Variants in GREB1 observed in about 807,000 individuals in gnomAD.
The protein encoded by GREB1 is protein GREB1.
In GREB1, 106 loss-of-function variants were observed where a neutral mutation model predicts 200.7. The observed-to-expected ratio is 0.53, with a 90% CI of 0.45 to 0.62. GREB1 has a LOEUF of 0.62. Among genes scored for constraint, GREB1 ranks in the 20% least tolerant of loss-of-function variants. The pLI is 0.00. For missense variants in GREB1, 2,243 were observed against 2,556.8 expected (o/e 0.88, Z 2.65); for synonymous variants, 1,132 against 1,092.4 (o/e 1.04, Z -0.72).
Position 11,585,895 on chromosome 2 carries a change from G to A in GREB1, c.1149G>A (p.Val383=), listed in dbSNP as rs759267977. ...NLLKICKAKP[V]IFKGHGNFPY... is the part of the protein sequence containing the mutation. ...TGAAAATATGCAAGGCCAAGCCAGT[G>A]ATATTTAAAGGCAAGTACAGCAGTG... is the stretch of plus-strand genomic sequence containing the variant. Residue 383 remains valine (V), a synonymous_variant, in exon 9 of 33, where the codon GTG becomes GTA. Transcript: ENST00000381486. The A allele has an allele frequency of 6.2e-7, 1 of 1,613,930 alleles. No homozygotes were observed. Among genetic ancestry groups the A allele is most frequent in the Admixed American group, 1.7e-5 (1 of 60,020 alleles).
At chr2:11,600,098 C>T (rs1019769323) in intron 15 of GREB1, among the ~76,000 whole-genome samples, 9 of 152,056 alleles carry the variant, frequency 5.9e-5, no homozygotes, top group Admixed American at 5.2e-4. Context: ...TGAAGGACCT[C>T]GTAAAGGGTT....
intron 22 of GREB1, among the ~76,000 whole-genome samples, chr2:11,620,391 C>T (rs1482294353): frequency 5.3e-5 from 8 of 152,102 alleles, no homozygotes; most frequent in African/African-American, 1.7e-4. Context: ...TAGCCTGAAG[C>T]TGGGCTGGGG....
rs1184148789 is a variant in GREB1 at position 11,640,091 on chromosome 2, A to G, written c.5687-200A>G. ...TCTGCCTCCGTGTTTTCTCCCCCGC[A>G]CACCTGCCACATCCCAGCCACACTC... On this transcript the variant is annotated intron_variant, in intron 32 of 32. Transcript: ENST00000381486. This position sits in a 1 kb window ranked among gnomAD's most constrained non-coding sequence, Gnocchi z 4.6. Among the ~76,000 whole-genome samples the G allele has an allele frequency of 4.6e-5, 7 of 151,740 alleles. No individual in the cohort carries two copies. The highest frequency in any genetic ancestry group is 1.5e-5 in the Non-Finnish European group (1 of 67,958).
intron 1 of GREB1, among the ~76,000 whole-genome samples, chr2:11,553,213 G>A (rs1227766983): frequency 6.6e-6 from 1 of 151,858 alleles, no homozygotes; most frequent in Non-Finnish European, 1.5e-5. Context: ...TTAATTTTGT[G>A]AGTATGAAAA....
At chr2:11,545,352 G>A (rs553101562) in intron 1 of GREB1, among the ~76,000 whole-genome samples, 48 of 152,120 alleles carry the variant, frequency 3.2e-4, no homozygotes, top group Middle Eastern at 3.4e-3. Flanking sequence ...GGCTGGTCTC[G>A]AATCTCCTGA....
chr2:11,487,730 T>C (rs1341130224), intron 1 of GREB1, among the ~76,000 whole-genome samples: 1 of 152,256 alleles, frequency 6.6e-6, no homozygotes. Flanking sequence ...ATTTTGTCAA[T>C]TTTGTTTCTT....
In GREB1 at chr2:11,500,883, A is replaced by G. The variant is rs145735153; in HGVS notation, c.-159+18502A>G. ...GTAAGAGGAATGGCAGAAGAAACGA[A>G]ACAGAAAGTGGAGAGAGTGACAGGC... On this transcript the variant is annotated intron_variant, in intron 1 of 2. Transcript: ENST00000628795. Among the ~76,000 whole-genome samples, 123 of 152,348 alleles carry G rather than the reference A, an allele frequency of 8.1e-4. 1 individual carries two copies. The highest frequency in any genetic ancestry group is 2.9e-3 in the African/African-American group (121 of 41,582).
intron 5 of GREB1, among the ~76,000 whole-genome samples, chr2:11,576,880 C>A (rs1358151928): frequency 6.6e-6 from 1 of 151,976 alleles, no homozygotes; most frequent in African/African-American, 2.4e-5. Context: ...ACTGAAAATA[C>A]AAAAGTTAGC....
chr2:11,541,051 C>T (rs534341317), intron 1 of GREB1, among the ~76,000 whole-genome samples: 25 of 152,276 alleles, frequency 1.6e-4, no homozygotes, highest in African/African-American at 5.8e-4. Context: ...GAGGAGGGAG[C>T]ATGGGTCAGT....
chr2:11,635,247 AC>A (rs772677002), intron 29 of GREB1, 22 bp from the exon 30 acceptor site: 2 of 1,613,780 alleles, frequency 1.2e-6, no homozygotes, highest in East Asian at 4.5e-5. Context: ...CATCAGACCC[AC>A]CCCTCCTCTG....
intron 12 of GREB1, among the ~76,000 whole-genome samples, chr2:11,595,739 C>T (rs955899353): frequency 1.4e-4 from 21 of 152,282 alleles, no homozygotes; most frequent in African/African-American, 4.6e-4. Flanking sequence ...CCGCATCCCT[C>T]GTGCTCTGGG....
At chr2:11,555,185 A>G (rs1572684007) in intron 1 of GREB1, among the ~76,000 whole-genome samples, 1 of 152,262 alleles carries the variant, frequency 6.6e-6, no homozygotes, top group South Asian at 2.1e-4. Flanking sequence ...CCAAAGGGAA[A>G]TAAAGAGAAA....
At chr2:11,538,954 C>CTCCCT (rs1316446911) in intron 1 of GREB1, among the ~76,000 whole-genome samples, 1 of 62,198 alleles carries the variant, frequency 1.6e-5, no homozygotes, top group African/African-American at 7.5e-5. Context: ...CTCGTGTCCC[C>CTCCCT]TCCCCTCCTC....
intron 17 of GREB1, among the ~76,000 whole-genome samples, chr2:11,606,843 C>T (rs1682346248): frequency 6.6e-6 from 1 of 151,224 alleles, no homozygotes; most frequent in Non-Finnish European, 1.5e-5. Context: ...AGTGCAGAGG[C>T]ATGATCTTGG....
chr2:11,502,195 G>A (rs1360731205), intron 1 of GREB1, among the ~76,000 whole-genome samples: 1 of 149,854 alleles, frequency 6.7e-6, no homozygotes, highest in African/African-American at 2.5e-5. Flanking sequence ...GGGATCGCAG[G>A]CATGAACCAC....
intron 1 of GREB1, among the ~76,000 whole-genome samples, chr2:11,516,846 A>G (rs938855011): frequency 6.6e-6 from 1 of 152,308 alleles, no homozygotes; most frequent in East Asian, 1.9e-4. Context: ...CATTCTACCT[A>G]GTGGAGGAAG....
chr2:11,498,598 G>A (rs978773169), intron 1 of GREB1, among the ~76,000 whole-genome samples: 3 of 152,328 alleles, frequency 2.0e-5, no homozygotes, highest in East Asian at 1.9e-4. Context: ...AGGTGGGGAC[G>A]TGGGTCAGGG....
chr2:11,574,920 T>C (rs1312198134), intron 4 of GREB1, among the ~76,000 whole-genome samples: 1 of 152,272 alleles, frequency 6.6e-6, no homozygotes, highest in East Asian at 1.9e-4. Flanking sequence ...TAAACTATCC[T>C]GTAACTGTCC....
rs145185647 is a variant in GREB1, at chr2:11,581,642, T to G, written c.901+810T>G. On this transcript the variant is annotated intron_variant, in intron 7 of 32. Transcript: ENST00000381486. ...TCCCAGTCCAGTGCTCTCCCCACCATGCTCATCTGGAGCCACATCATAAGC... is the reference window on the plus strand; with the variant it reads ...TCCCAGTCCAGTGCTCTCCCCACCAGGCTCATCTGGAGCCACATCATAAGC... Among the ~76,000 whole-genome samples the G allele has an allele frequency of 1.5e-3, 236 of 152,320 alleles. 1 individual carries two copies. Among genetic ancestry groups the G allele is most frequent in the African/African-American group, 5.5e-3 (229 of 41,576 alleles).
Sources: gnomAD v4.1 joint callset for allele counts (sites outside exome capture counted in the v4.1 genomes callset) on GRCh38, gnomAD v4.1.1 for gene constraint, Gnocchi (gnomAD v3.1) non-coding constraint, MANE v1.5 for transcripts, NCBI Gene and HGNC (gene_info 2026-07-23, HGNC 2026-07-21) for gene names.